Variants in SKIC3 observed in about 807,000 individuals in gnomAD.
The protein encoded by SKIC3 is superkiller complex protein 3.
chr5:95,530,848 A>C, the SKIC3 span, among the ~76,000 whole-genome samples: 23 of 152,238 alleles, frequency 1.5e-4, no homozygotes, highest in Non-Finnish European at 3.1e-4. Flanking sequence ...TATTTTGGTA[A>C]AATAGTTTAG....
At chr5:95,517,496 G>A in the SKIC3 span, among the ~76,000 whole-genome samples, 1 of 152,110 alleles carries the variant, frequency 6.6e-6, no homozygotes, top group Non-Finnish European at 1.5e-5. Context: ...AAAGGAGAAA[G>A]GGAAGGAGGA....
the SKIC3 span, chr5:95,547,009 G>T: frequency 1.3e-6 from 2 of 1,537,706 alleles, no homozygotes; most frequent in Non-Finnish European, 1.8e-6. Context: ...AATCAACAAT[G>T]TTTATAAATG....
At chr5:95,534,758 A>G in the SKIC3 span, among the ~76,000 whole-genome samples, 4 of 151,966 alleles carry the variant, frequency 2.6e-5, no homozygotes, top group African/African-American at 9.7e-5. Flanking sequence ...CCCAAAGTAC[A>G]GTTCTCAGTA....
At chr5:95,520,891 T>C in the SKIC3 span, 1 of 1,094,200 alleles carries the variant, frequency 9.1e-7, no homozygotes, top group Non-Finnish European at 1.4e-6. Flanking sequence ...TCAAATAAAG[T>C]TATTGGTGTT....
the SKIC3 span, chr5:95,504,048 TC>T: frequency 1.1e-6 from 1 of 928,044 alleles, no homozygotes; most frequent in Non-Finnish European, 1.5e-6. Context: ...GTGGCTCACA[TC>T]TGTAATCCCA....
the SKIC3 span, chr5:95,498,291 T>C: frequency 5.0e-6 from 7 of 1,413,308 alleles, no homozygotes; most frequent in African/African-American, 1.4e-5. Flanking sequence ...CCTTATTTTA[T>C]AGTATTAATA....
the SKIC3 span, chr5:95,522,367 G>T: frequency 1.3e-6 from 2 of 1,563,438 alleles, no homozygotes; most frequent in Non-Finnish European, 1.7e-6. Context: ...AATCTGAAAG[G>T]AAAATATAAA....
At chr5:95,542,667 G>T in the SKIC3 span, among the ~76,000 whole-genome samples, 4 of 152,106 alleles carry the variant, frequency 2.6e-5, no homozygotes, top group Non-Finnish European at 5.9e-5. Flanking sequence ...ACCCTCCAGG[G>T]CCTACTACAT....
chr5:95,522,316 T>TA, the SKIC3 span: 1 of 1,612,568 alleles, frequency 6.2e-7, no homozygotes. Context: ...AACTAAAATT[T>TA]AAAAAACCGT....
chr5:95,512,611 C>T, the SKIC3 span: 1 of 1,613,764 alleles, frequency 6.2e-7, no homozygotes, highest in Admixed American at 1.7e-5. Context: ...ACCTAATGCT[C>T]CTTCAGTCTT....
At chr5:95,464,664 G>A in the SKIC3 span, 5 of 1,613,090 alleles carry the variant, frequency 3.1e-6, no homozygotes, top group Non-Finnish European at 4.2e-6. Flanking sequence ...CATGAGTTTT[G>A]GCATTGTTTA....
chr5:95,482,672 C>T, the SKIC3 span: 1 of 1,608,484 alleles, frequency 6.2e-7, no homozygotes, highest in Non-Finnish European at 8.5e-7. Context: ...CAAATAGGTT[C>T]TTAAGTGTTA....
At chr5:95,499,965 A>G in the SKIC3 span, among the ~76,000 whole-genome samples, 1 of 152,218 alleles carries the variant, frequency 6.6e-6, no homozygotes, top group East Asian at 1.9e-4. Context: ...AACCAAACTT[A>G]TAAGAATTAT....
chr5:95,529,027 T>C, the SKIC3 span: 1 of 1,613,732 alleles, frequency 6.2e-7, no homozygotes, highest in Middle Eastern at 1.6e-4. Flanking sequence ...AACAGCTTCT[T>C]TAGGTCTATG....
At chr5:95,503,724 C>G in the SKIC3 span, 11 of 1,575,592 alleles carry the variant, frequency 7.0e-6, no homozygotes, top group African/African-American at 4.0e-5. Context: ...AACCCCCACC[C>G]CATCTCATTA....
At chr5:95,523,327 C>T in the SKIC3 span, 2 of 1,611,874 alleles carry the variant, frequency 1.2e-6, no homozygotes, top group African/African-American at 2.7e-5. Context: ...AAGCCATTTC[C>T]TAATAATAAG....
chr5:95,552,186 C>T, the SKIC3 span, among the ~76,000 whole-genome samples: 5 of 152,050 alleles, frequency 3.3e-5, no homozygotes, highest in Non-Finnish European at 5.9e-5. Context: ...TGTAACCCAC[C>T]ATAAGAAGCA....
chr5:95,490,520 CGGAGTCTCGCTCTGTCACCCAGGCT>C, the SKIC3 span, among the ~76,000 whole-genome samples: 1 of 134,680 alleles, frequency 7.4e-6, no homozygotes, highest in African/African-American at 2.9e-5. Context: ...TTTTTTGAGA[CGGAGTCTCGCTCTGTCACCCAGGCT>C]GGAGAGCGGT....
chr5:95,532,322 C>T, the SKIC3 span, among the ~76,000 whole-genome samples: 2 of 152,090 alleles, frequency 1.3e-5, no homozygotes, highest in Non-Finnish European at 2.9e-5. Context: ...TAACATATTT[C>T]CTTTGCTAAA....
Sources: allele counts gnomAD v4.1 joint callset (sites outside exome capture counted in the v4.1 genomes callset), GRCh38; gene constraint gnomAD v4.1.1; transcripts MANE v1.5; gene names NCBI Gene and HGNC (gene_info 2026-07-23, HGNC 2026-07-21).